Variants in DUSP8 observed in about 807,000 individuals in gnomAD.
DUSP8 encodes the protein dual specificity phosphatase 8, also known as dual specificity protein phosphatase 8.
In DUSP8, 15 loss-of-function variants were observed where a neutral mutation model predicts 38.7. The observed-to-expected ratio is 0.39, with a 90% CI of 0.26 to 0.60. The LOEUF (loss-of-function observed/expected upper bound fraction) is 0.60, where lower values mean the gene tolerates loss of function less well. Among genes scored for constraint, DUSP8 ranks in the 20% least tolerant of loss-of-function variants. The pLI is 0.56. For missense variants in DUSP8, 768 were observed against 915.0 expected, an observed-to-expected ratio of 0.84 and a Z score of 2.07; for synonymous variants, 458 against 433.9, an observed-to-expected ratio of 1.06 and a Z score of -0.69.
rs1446101554 is a variant in DUSP8 at position 1,559,021 on chromosome 11, G to A, written c.405C>T (p.Gly135=). 2 of 1,610,696 alleles carry A rather than the reference G, an allele frequency of 1.2e-6. No homozygotes were observed. The highest frequency in any genetic ancestry group is 8.5e-7 in the Non-Finnish European group (1 of 1,179,516). The part of the protein sequence containing the change: ...GFATFSSCFP[G]LCEGKPAALL... Reference sequence around the variant, plus strand: ...GGGCAGCAGGCTTGCCCTCGCAGAGGCCGGGGAAGCAGGAGGAGAAGGTGG... The same window carrying A: ...GGGCAGCAGGCTTGCCCTCGCAGAGACCGGGGAAGCAGGAGGAGAAGGTGG... The change falls in exon 4 of 7, where the codon GGC becomes GGT. Residue 135 remains glycine, a synonymous_variant. Transcript: ENST00000397374.
chr11:1,572,176 CGGCTCG>C lies in DUSP8; in HGVS notation c.-390_-385del, dbSNP rs933678425. Among the ~76,000 whole-genome samples the C allele has an allele frequency of 4.7e-3, 690 of 145,266 alleles. 3 individuals are homozygous for C. The highest frequency in any genetic ancestry group is 0.014 in the Middle Eastern group (4 of 278). On this transcript the variant is annotated 5_prime_UTR_variant, in exon 1 of 7. Transcript: ENST00000397374. This position sits in a 1 kb window ranked among gnomAD's most constrained non-coding sequence, Gnocchi z 4.7. ...CGGGCGCGGCCGGGAGGTTCCGGCG[CGGCTCG>C]GGCTCGGGCTCGGGCTCGGGCTCGG... is the stretch of plus-strand genomic sequence containing the variant.
intron 2 of DUSP8, among the ~76,000 whole-genome samples, chr11:1,564,316 G>A (rs528097768): frequency 6.6e-6 from 1 of 152,340 alleles, no homozygotes; most frequent in African/African-American, 2.4e-5. Context: ...GGAGACACAG[G>A]TGAGTGCGAT....
In DUSP8 at chr11:1,557,988, A is replaced by AC; in HGVS notation, c.698-72dup. 6.2e-7 allele frequency: 1 copy of AC among 1,609,744 alleles called. No individual in the cohort carries two copies. The highest frequency in any genetic ancestry group is 2.2e-5 in the East Asian group (1 of 44,790). On this transcript the variant is annotated intron_variant, in intron 5 of 6. Transcript: ENST00000397374. This position sits in a 1 kb window ranked among gnomAD's most constrained non-coding sequence, Gnocchi z 9.9. ...AGCTTCTCCCTGGCCCAGGTAGGGGACCCCACCCGCCCAACTGCCAACAGT... is the reference window on the plus strand; with the variant it reads ...AGCTTCTCCCTGGCCCAGGTAGGGGACCCCCACCCGCCCAACTGCCAACAGT...
chr11:1,563,466 A>G (rs545470557), intron 3 of DUSP8, among the ~76,000 whole-genome samples: 36 of 152,076 alleles, frequency 2.4e-4, no homozygotes, highest in Non-Finnish European at 4.1e-4. Context: ...GGCTGTTGCC[A>G]GGCAACCTGC....
Position 1,558,868 on chromosome 11 carries a change from CG to C in DUSP8, c.537+20del. On this transcript the variant is annotated intron_variant, in intron 4 of 6. Coordinates refer to ENST00000397374, the MANE Select transcript of DUSP8 (RefSeq NM_004420.3). This position sits in a 1 kb window ranked among gnomAD's most constrained non-coding sequence, Gnocchi z 6.3. The stretch of plus-strand genomic sequence containing the variant: ...TGCCCCTTTCCCATTGACCACCCCC[CG>C]AACTCCACTGCACACACACCTTGTT... The C allele has an allele frequency of 6.3e-7, 1 of 1,583,816 alleles. No individual in the cohort carries two copies. Among genetic ancestry groups the C allele is most frequent in the South Asian group, 1.1e-5 (1 of 88,776 alleles).
upstream of DUSP8, among the ~76,000 whole-genome samples, chr11:1,572,401 G>C (rs1194428602): frequency 1.3e-5 from 2 of 149,616 alleles, no homozygotes; most frequent in Non-Finnish European, 3.0e-5. The surrounding 1 kb of genome is among the most constrained non-coding windows in gnomAD (Gnocchi z 4.7). Context: ...CGGAGCCCGG[G>C]CTCGGGGTGA....
In DUSP8 at chr11:1,571,980, C is replaced by G. The variant is rs1424021976; in HGVS notation, c.-188G>C. On this transcript the variant is annotated 5_prime_UTR_variant, in exon 1 of 7. Coordinates refer to ENST00000397374, the MANE Select transcript of DUSP8 (RefSeq NM_004420.3). ...CCCGCTCGGCCGCGCCGTCCATGGGCCCGGCGGGGGCCCGCGCAGCCGGGG... is the reference window on the plus strand; with the variant it reads ...CCCGCTCGGCCGCGCCGTCCATGGGGCCGGCGGGGGCCCGCGCAGCCGGGG... 6.9e-6 allele frequency: 1 copy of G among 145,736 alleles called. No individual in the cohort carries two copies. The highest frequency in any genetic ancestry group is 1.5e-5 in the Non-Finnish European group (1 of 65,664). 9.0% of individuals were successfully genotyped at this position (145,736 alleles called of 1,614,324 possible).
chr11:1,561,973 C>A (rs942528006), intron 3 of DUSP8, among the ~76,000 whole-genome samples: 3 of 152,230 alleles, frequency 2.0e-5, no homozygotes, highest in Non-Finnish European at 2.9e-5. Flanking sequence ...GCCTGGGACT[C>A]CTTGGCAGCT....
chr11:1,564,096 G>GAGGC lies in DUSP8; in HGVS notation c.232-111_232-108dup, dbSNP rs371561348. On this transcript the variant is annotated intron_variant, in intron 2 of 6. Transcript: ENST00000397374. ...GAATAGTAAGGGCATCAGATGATGG[G>GAGGC]AGGCAGGCAGCTGTCACCTTGCTGC... The GAGGC allele has an allele frequency of 2.9e-4, 384 of 1,309,754 alleles. 2 individuals are homozygous for GAGGC. The African/African-American group carries it at 5.3e-3, about 18-fold the overall frequency. 81.1% of individuals were successfully genotyped at this position (1,309,754 alleles called of 1,614,324 possible). A position where few individuals can be genotyped will look rare whatever the true frequency, so the allele number is the denominator to read the frequency against.
In DUSP8 at chr11:1,558,749, C is replaced by T. The variant is rs1848674111; in HGVS notation, c.537+140G>A. ...GGAGCCTGGGGTCCTCCTGGGCCCC[C>T]ACCCATGCTTCTCCCACACCCAGCT... On this transcript the variant is annotated intron_variant, in intron 4 of 6. Coordinates refer to ENST00000397374, the MANE Select transcript of DUSP8 (RefSeq NM_004420.3). This position sits in a 1 kb window ranked among gnomAD's most constrained non-coding sequence, Gnocchi z 6.3. 1 of 1,066,234 alleles carries T rather than the reference C, an allele frequency of 9.4e-7. No homozygotes were observed. The highest frequency in any genetic ancestry group is 1.3e-6 in the Non-Finnish European group (1 of 748,462). 66.0% of individuals were successfully genotyped at this position (1,066,234 alleles called of 1,614,324 possible).
At position 1,554,525 on chromosome 11, in the gene DUSP8, C is replaced by G; in HGVS notation, c.*1993G>C. On this transcript the variant is annotated 3_prime_UTR_variant, in exon 7 of 7. Transcript: ENST00000397374. ...GAGGCAGTGGCCAACACAGGACCTTCGCCCCCCTGCTGGCTGCTCACTTTG... is the reference window on the plus strand; with the variant it reads ...GAGGCAGTGGCCAACACAGGACCTTGGCCCCCCTGCTGGCTGCTCACTTTG... The G allele has an allele frequency of 1.9e-6, 1 of 517,850 alleles. No homozygotes were observed. The highest frequency in any genetic ancestry group is 2.5e-6 in the Non-Finnish European group (1 of 400,350). The allele number at this position is 517,850 out of a possible 1,614,324, so 32.1% of individuals were successfully genotyped here. A position where few individuals can be genotyped will look rare whatever the true frequency, so the allele number is the denominator to read the frequency against.
At chr11:1,566,008 A>G in intron 1 of DUSP8, 74 bp from the exon 2 acceptor site, 1 of 596,244 alleles carries the variant, frequency 1.7e-6, no homozygotes, top group Admixed American at 2.9e-5. Flanking sequence ...AGGACAGATC[A>G]GAGCTGGGAG....
In DUSP8 at chr11:1,558,933, G is replaced by A. The variant is rs755822427; in HGVS notation, c.493C>T (p.Leu165=). The A allele has an allele frequency of 1.2e-6, 2 of 1,612,992 alleles. No individual in the cohort carries two copies. The highest frequency in any genetic ancestry group is 1.3e-5 in the African/African-American group (1 of 75,048). ...TGCGAGCCCAGGTAGAGGTGAGGCAGGATGCGGGTCAGGCCCACGCTGGGC... is the reference window on the plus strand; with the variant it reads ...TGCGAGCCCAGGTAGAGGTGAGGCAAGATGCGGGTCAGGCCCACGCTGGGC... ...PVPSVGLTRI[L]PHLYLGSQKD... is the part of the protein sequence containing the mutation. Residue 165 remains leucine, a synonymous_variant, in exon 4 of 7, where the codon CTG becomes TTG. Coordinates refer to ENST00000397374, the MANE Select transcript of DUSP8 (RefSeq NM_004420.3). The surrounding 1 kb of genome is among the most constrained non-coding windows in gnomAD (Gnocchi z 6.3).
Position 1,557,391 on chromosome 11 carries a change from A to C in DUSP8, c.1005T>G (p.Pro335=). Residue 335 remains proline (P), a synonymous_variant, in exon 7 of 7, where the codon CCT becomes CCG. Transcript: ENST00000397374. This position sits in a 1 kb window ranked among gnomAD's most constrained non-coding sequence, Gnocchi z 9.9. ...TCCCTGTGGCAGCGCTCTCTGAGGTAGGTGGTGGCAGCCGTGGCAGCGGGG... is the reference window on the plus strand; with the variant it reads ...TCCCTGTGGCAGCGCTCTCTGAGGTCGGTGGTGGCAGCCGTGGCAGCGGGG... ...AGAPLPRLPP[P]TSESAATGNA... The C allele has an allele frequency of 6.4e-7, 1 of 1,570,354 alleles. No homozygotes were observed. Among genetic ancestry groups the C allele is most frequent in the Non-Finnish European group, 8.6e-7 (1 of 1,169,416 alleles).
In DUSP8 at chr11:1,557,976, C is replaced by A. The variant is rs1293753597; in HGVS notation, c.698-59G>T. 1.2e-6 allele frequency: 2 copies of A among 1,611,364 alleles called. No individual in the cohort carries two copies. The highest frequency in any genetic ancestry group is 1.7e-6 in the Non-Finnish European group (2 of 1,178,690). Reference sequence around the variant, plus strand: ...CTAAGACTGCACAGCTTCTCCCTGGCCCAGGTAGGGGACCCCACCCGCCCA... The same window carrying A: ...CTAAGACTGCACAGCTTCTCCCTGGACCAGGTAGGGGACCCCACCCGCCCA... On this transcript the variant is annotated intron_variant, in intron 5 of 6. Transcript: ENST00000397374. This position sits in a 1 kb window ranked among gnomAD's most constrained non-coding sequence, Gnocchi z 9.9.
At chr11:1,559,094 C>T (rs1484753410) in intron 3 of DUSP8, 39 bp from the exon 4 acceptor site, 1 of 1,588,858 alleles carries the variant, frequency 6.3e-7, no homozygotes, top group Non-Finnish European at 8.5e-7. Context: ...GAGAGAACAC[C>T]TAGGGCTCCC....
intron 2 of DUSP8, 38 bp from the exon 3 acceptor site, chr11:1,564,027 AC>A: frequency 7.1e-7 from 1 of 1,408,906 alleles, no homozygotes; most frequent in Non-Finnish European, 9.3e-7. Context: ...TGCCGCCTCC[AC>A]CTATCGATGC....
chr11:1,572,452 T>G (rs940056412), upstream of DUSP8, among the ~76,000 whole-genome samples: 132 of 111,320 alleles, frequency 1.2e-3, no homozygotes, highest in African/African-American at 1.6e-3. The surrounding 1 kb of genome is among the most constrained non-coding windows in gnomAD (Gnocchi z 4.7). Flanking sequence ...GGGTGCAGGG[T>G]GCGGGTGGGT....
At chr11:1,563,814 A>G (rs1264559348) in intron 3 of DUSP8, 37 bp downstream of exon 3, 1 of 1,446,196 alleles carries the variant, frequency 6.9e-7, no homozygotes, top group Admixed American at 2.6e-5. Flanking sequence ...CTGCTGGCGG[A>G]GCAAGTGCCT....
Sources: gnomAD v4.1 joint callset for allele counts (sites outside exome capture counted in the v4.1 genomes callset) on GRCh38, gnomAD v4.1.1 for gene constraint, Gnocchi (gnomAD v3.1) non-coding constraint, MANE v1.5 for transcripts, NCBI Gene and HGNC (gene_info 2026-07-23, HGNC 2026-07-21) for gene names.